The following BTBD2 variants were observed in gnomAD, a reference collection of about 807,000 sequenced individuals.
BTBD2 encodes the protein BTB domain containing 2.
BTBD2 carries 15 observed loss-of-function variants against 44.0 expected under a neutral mutation model. The observed-to-expected ratio is 0.34, with a 90% confidence interval of 0.23 to 0.53. The LOEUF is 0.53. Ranked by LOEUF, BTBD2 falls within the 20% of genes least tolerant of loss-of-function variation. BTBD2 has a pLI of 0.95. For synonymous variants in BTBD2, 443 were observed against 335.9 expected, an observed-to-expected ratio of 1.32 and a Z score of -3.49; for missense variants, 657 against 746.4, an observed-to-expected ratio of 0.88 and a Z score of 1.39.
At chr19:1,989,827 G>A in intron 5 of BTBD2, 177 bp downstream of exon 5, 1 of 690,126 alleles carries the variant, frequency 1.4e-6, no homozygotes, top group Non-Finnish European at 2.4e-6. Flanking sequence ...AGCCGGGCCG[G>A]GGCTAACAGA....
chr19:1,989,882 G>C, intron 5 of BTBD2, 122 bp downstream of exon 5: 1 of 1,149,238 alleles, frequency 8.7e-7, no homozygotes, highest in Non-Finnish European at 1.2e-6. Context: ...CTTCCTATCT[G>C]TATATGCCAG....
chr19:2,015,115 C>G lies in BTBD2; in HGVS notation c.407+182G>C, dbSNP rs562865527. On this transcript the variant is annotated intron_variant, in intron 1 of 8. Coordinates refer to ENST00000255608, the MANE Select transcript of BTBD2 (RefSeq NM_017797.4). ...CAGGTGCAGGCCCCGGGGTGCAGGC[C>G]GAGTTGGGTTCGGAGCCTGAGGATG... Among the ~76,000 whole-genome samples the G allele has an allele frequency of 5.3e-5, 7 of 132,868 alleles. No homozygotes were observed. In the South Asian group the frequency reaches 1.0e-3, roughly 19 times the overall value. 87.2% of individuals were successfully genotyped at this position (132,868 alleles called of 152,430 possible).
Position 1,985,912 on chromosome 19 carries a change from C to T in BTBD2, c.*576G>A, listed in dbSNP as rs1011673953. ...GGGGCCGTCCCCACACTGAATCCTG[C>T]GTGCGCAGAACTCAAGCCGGCATCC... is the stretch of plus-strand genomic sequence containing the variant. On this transcript the variant is annotated 3_prime_UTR_variant, in exon 9 of 9. Transcript: ENST00000255608. The T allele has an allele frequency of 4.5e-5, 7 of 154,994 alleles. No individual in the cohort carries two copies. Among genetic ancestry groups the T allele is most frequent in the Non-Finnish European group, 7.2e-5 (5 of 69,910 alleles). 9.6% of individuals were successfully genotyped at this position (154,994 alleles called of 1,614,324 possible).
At chr19:2,005,233 C>G (rs778111498) in intron 1 of BTBD2, among the ~76,000 whole-genome samples, 1 of 152,200 alleles carries the variant, frequency 6.6e-6, no homozygotes, top group African/African-American at 2.4e-5. Context: ...TCATGCTGCT[C>G]TGGGCATTCA....
chr19:1,989,350 C>A (rs950733336), intron 5 of BTBD2: 12 of 154,582 alleles, frequency 7.8e-5, no homozygotes, highest in Non-Finnish European at 1.6e-4. Flanking sequence ...GTGATTGTAC[C>A]ACCGCACTCA....
intron 1 of BTBD2, among the ~76,000 whole-genome samples, chr19:2,002,156 A>G (rs1347100725): frequency 1.3e-5 from 2 of 152,164 alleles, no homozygotes; most frequent in East Asian, 3.9e-4. Flanking sequence ...ATCATAGCTC[A>G]CTGCAGCCTC....
chr19:2,010,755 T>C (rs1188769738), intron 1 of BTBD2, among the ~76,000 whole-genome samples: 5 of 151,740 alleles, frequency 3.3e-5, no homozygotes, highest in Non-Finnish European at 7.4e-5. Flanking sequence ...TCCTCCTGCC[T>C]CAGACTCTGA....
chr19:1,987,295 A>G (rs2016101460), intron 6 of BTBD2, 42 bp from the exon 7 acceptor site: 1 of 1,603,604 alleles, frequency 6.2e-7, no homozygotes, highest in African/African-American at 1.3e-5. Flanking sequence ...ATACCCAGGG[A>G]TAGCCTAAGG....
chr19:2,005,743 T>C (rs2145645562), intron 1 of BTBD2, among the ~76,000 whole-genome samples: 1 of 145,778 alleles, frequency 6.9e-6, no homozygotes, highest in Admixed American at 7.0e-5. Flanking sequence ...GATCACACCA[T>C]CGCGCTCCAG....
chr19:2,009,943 C>T (rs547033778), intron 1 of BTBD2, among the ~76,000 whole-genome samples: 4 of 152,224 alleles, frequency 2.6e-5, no homozygotes, highest in East Asian at 1.9e-4. Flanking sequence ...CACCTGAGGT[C>T]GGGAGTTTGA....
intron 3 of BTBD2, among the ~76,000 whole-genome samples, chr19:1,992,580 C>CT (rs143601485): frequency 0.025 from 3,811 of 150,614 alleles, 120 homozygotes; most frequent in East Asian, 0.15. Flanking sequence ...CAAAACACAT[C>CT]TTTTTTTTTC....
rs750923797 is a variant in BTBD2, at chr19:1,986,849, G to A, written c.1397C>T (p.Thr466Met). Residue 466 changes from threonine (T) to methionine (M), a missense_variant, in exon 8 of 9, where the codon ACG (threonine) becomes ATG (methionine). By Grantham distance (81) the Thr-to-Met change is moderately conservative. This residue lies in a region of BTBD2 where 449 missense variants were observed against 510.9 expected (regional missense o/e 0.88). Coordinates refer to ENST00000255608, the MANE Select transcript of BTBD2 (RefSeq NM_017797.4). Reference protein sequence around the residue: ...PVEVLPNVNYTACATLKGPDS... With the variant: ...PVEVLPNVNYMACATLKGPDS... ...GCGCACCTTGAGCGTGGCACAGGCCGTGTAGTTGACGTTGGGCAGCACCTC... is the reference window on the plus strand; with the variant it reads ...GCGCACCTTGAGCGTGGCACAGGCCATGTAGTTGACGTTGGGCAGCACCTC... 40 of 1,610,562 alleles carry A rather than the reference G, an allele frequency of 2.5e-5. No individual in the cohort carries two copies. The highest frequency in any genetic ancestry group is 3.2e-5 in the Non-Finnish European group (38 of 1,178,952).
intron 1 of BTBD2, among the ~76,000 whole-genome samples, chr19:2,008,589 CT>C (rs34228593): frequency 1.8e-3 from 229 of 126,550 alleles, no homozygotes; most frequent in Admixed American, 2.3e-3. Flanking sequence ...CTGTGCCCAG[CT>C]TTTTTTTTTT....
Position 1,985,785 on chromosome 19 carries a change from G to A in BTBD2, c.*703C>T, listed in dbSNP as rs564424238. On this transcript the variant is annotated 3_prime_UTR_variant, in exon 9 of 9. Transcript: ENST00000255608. Reference sequence around the variant, plus strand: ...CTGCAGGGACCGCGAGGGCCGTCCAGGGAGGCTGGACAGCGGGGGCCTTTA... The same window carrying A: ...CTGCAGGGACCGCGAGGGCCGTCCAAGGAGGCTGGACAGCGGGGGCCTTTA... The A allele has an allele frequency of 6.6e-6, 1 of 152,454 alleles. No homozygotes were observed. Among genetic ancestry groups the A allele is most frequent in the South Asian group, 2.1e-4 (1 of 4,836 alleles). 9.4% of individuals were successfully genotyped at this position (152,454 alleles called of 1,614,324 possible).
At chr19:2,000,530 C>T (rs1389535813) in intron 1 of BTBD2, among the ~76,000 whole-genome samples, 7 of 152,154 alleles carry the variant, frequency 4.6e-5, no homozygotes, top group Non-Finnish European at 7.4e-5. Context: ...GCAGCTCTGC[C>T]GGTCCCCAAG....
At chr19:2,013,715 A>G (rs2016496404) in intron 1 of BTBD2, 1 of 978,332 alleles carries the variant, frequency 1.0e-6, no homozygotes, top group Non-Finnish European at 1.2e-6. Flanking sequence ...GGCAGGGGGT[A>G]TCCCTGGAGG....
At chr19:1,987,079 G>C in intron 7 of BTBD2, 87 bp downstream of exon 7, 1 of 1,595,214 alleles carries the variant, frequency 6.3e-7, no homozygotes. Flanking sequence ...ACAGGGACCA[G>C]GGCCGGGGGT....
chr19:1,993,157 C>T lies in BTBD2; in HGVS notation c.547G>A (p.Val183Met). Residue 183 changes from valine to methionine, a missense_variant, in exon 3 of 9, where the codon GTG becomes ATG. Transcript: ENST00000255608. ...ATCACCGTCTCCGGGCCAATCTGCACCTCGTCCGAGTAGAGAAACCTGCAG... is the reference window on the plus strand; with the variant it reads ...ATCACCGTCTCCGGGCCAATCTGCATCTCGTCCGAGTAGAGAAACCTGCAG... ...ALLKFLYSDE[V>M]QIGPETVMTT... The T allele has an allele frequency of 1.9e-6, 3 of 1,603,630 alleles. No individual in the cohort carries two copies. Among genetic ancestry groups the T allele is most frequent in the Non-Finnish European group, 2.5e-6 (3 of 1,179,404 alleles).
intron 2 of BTBD2, among the ~76,000 whole-genome samples, chr19:1,994,805 G>A (rs550893635): frequency 2.0e-5 from 3 of 152,088 alleles, no homozygotes; most frequent in Non-Finnish European, 4.4e-5. Context: ...CCCAGCCTGT[G>A]GGTGGCATTT....
Sources: allele counts gnomAD v4.1 joint callset (sites outside exome capture counted in the v4.1 genomes callset), GRCh38; gene constraint gnomAD v4.1.1; regional missense constraint gnomAD v4.1.1; transcripts MANE v1.5; gene names NCBI Gene and HGNC (gene_info 2026-07-23, HGNC 2026-07-21).